The following CRB1 variants were observed in gnomAD, a reference collection of about 807,000 sequenced individuals.
The protein encoded by CRB1 is protein crumbs homolog 1.
Under a neutral mutation model 120.0 loss-of-function variants are expected in CRB1, and 83 were observed. The ratio of observed to expected loss-of-function variants is 0.69; its 90% CI spans 0.58 to 0.83. CRB1 has a LOEUF of 0.83. Among genes scored for constraint, CRB1 ranks in the 40% least tolerant of loss-of-function variants. The probability of loss-of-function intolerance (pLI) is 0.00; values close to 1 mark genes in which losing one functional copy is unlikely to be tolerated. For missense variants in CRB1, 1,699 were observed against 1,687.6 expected (o/e 1.01, Z -0.12); for synonymous variants, 625 against 612.5 (o/e 1.02, Z -0.30).
At chr1:197,324,474 GTGTAT>G (rs1227969161) in intron 1 of CRB1, among the ~76,000 whole-genome samples, 1 of 152,080 alleles carries the variant, frequency 6.6e-6, no homozygotes, top group East Asian at 1.9e-4. Flanking sequence ...GGAACTTTAT[GTGTAT>G]TATCTCTTTT....
At chr1:197,214,460 G>A in the CRB1 span, among the ~76,000 whole-genome samples, 788 of 152,184 alleles carry the variant, frequency 5.2e-3, 8 homozygotes, top group African/African-American at 0.018. Flanking sequence ...GGCCTACTCT[G>A]GGACTTGAGT....
chr1:197,391,475 A>G (rs1314757811), intron 5 of CRB1, among the ~76,000 whole-genome samples: 1 of 152,142 alleles, frequency 6.6e-6, no homozygotes, highest in Admixed American at 6.6e-5. Context: ...TTCTGCTGTG[A>G]AGTTGTCACT....
Position 197,427,920 on chromosome 1 carries a change from T to C in CRB1, c.2595T>C (p.Phe865=). Residue 865 remains phenylalanine, a synonymous_variant, in exon 7 of 12, where the codon TTT becomes TTC. Transcript: ENST00000367400. ...VRLNNQNLEF[F]PNPTNNASLN... is the part of the protein sequence containing the mutation. ...TAAACAACCAAAATCTGGAATTCTT[T>C]CCAAATCCAACAAACAATGCATCTC... 1.2e-6 allele frequency: 2 copies of C among 1,614,040 alleles called. No homozygotes were observed. The highest frequency in any genetic ancestry group is 1.7e-6 in the Non-Finnish European group (2 of 1,179,980).
At chr1:197,430,155 C>A (rs544496457) in intron 8 of CRB1, among the ~76,000 whole-genome samples, 1 of 152,278 alleles carries the variant, frequency 6.6e-6, no homozygotes, top group South Asian at 2.1e-4. Flanking sequence ...TCCTGTCCAT[C>A]TTCTGTACTA....
chr1:197,445,222 T>C (rs1194900394), intron 11 of CRB1, among the ~76,000 whole-genome samples: 1 of 152,208 alleles, frequency 6.6e-6, no homozygotes, highest in Non-Finnish European at 1.5e-5. Context: ...ATAGCCTATA[T>C]TTACTTGAAT....
the CRB1 span, among the ~76,000 whole-genome samples, chr1:197,221,621 T>A: frequency 6.6e-6 from 1 of 152,224 alleles, no homozygotes; most frequent in Non-Finnish European, 1.5e-5. Context: ...TCTCACTGAT[T>A]AGTAGTAGCT....
chr1:197,442,596 C>T, intron 11 of CRB1: 2 of 1,311,276 alleles, frequency 1.5e-6, no homozygotes, highest in East Asian at 2.6e-5. Context: ...AAATATTTTC[C>T]TATTCTAACT....
chr1:197,247,494 A>G, the CRB1 span, among the ~76,000 whole-genome samples: 24 of 152,048 alleles, frequency 1.6e-4, no homozygotes, highest in Admixed American at 3.9e-4. Flanking sequence ...GGCACTTAGC[A>G]GCTAGAAAAA....
intron 11 of CRB1, among the ~76,000 whole-genome samples, chr1:197,462,021 G>A (rs900963226): frequency 1.3e-5 from 2 of 152,106 alleles, no homozygotes; most frequent in African/African-American, 4.8e-5. Context: ...GGAACTCATC[G>A]CGGAGGACAT....
chr1:197,362,366 C>G (rs985930588), intron 5 of CRB1, among the ~76,000 whole-genome samples: 2 of 152,076 alleles, frequency 1.3e-5, no homozygotes, highest in Non-Finnish European at 2.9e-5. Flanking sequence ...CTATATATGT[C>G]AATTAAATCC....
At chr1:197,292,156 T>C (rs1021237070) in intron 1 of CRB1, among the ~76,000 whole-genome samples, 3 of 151,562 alleles carry the variant, frequency 2.0e-5, no homozygotes, top group African/African-American at 7.3e-5. Context: ...ATCAACAAAA[T>C]TGATAGACCG....
intron 3 of CRB1, among the ~76,000 whole-genome samples, chr1:197,346,435 G>A (rs965343432): frequency 1.3e-5 from 2 of 151,944 alleles, no homozygotes; most frequent in African/African-American, 4.8e-5. Context: ...ATTTTTAGTA[G>A]GTATTTTTTA....
chr1:197,422,233 C>T (rs1229390801), intron 6 of CRB1, among the ~76,000 whole-genome samples: 1 of 151,572 alleles, frequency 6.6e-6, no homozygotes, highest in African/African-American at 2.4e-5. Flanking sequence ...TTTGTGTTTG[C>T]AAAATGCTAC....
intron 5 of CRB1, 175 bp downstream of exon 5, chr1:197,357,188 T>G: frequency 1.4e-6 from 1 of 701,254 alleles, no homozygotes; most frequent in East Asian, 2.7e-5. Flanking sequence ...TCAGAATTCC[T>G]CAAATCACGA....
chr1:197,425,079 G>A, intron 6 of CRB1, among the ~76,000 whole-genome samples: 1 of 152,116 alleles, frequency 6.6e-6, no homozygotes, highest in South Asian at 2.1e-4. Flanking sequence ...AGGCATCCTG[G>A]GATGACCAGC....
chr1:197,387,349 T>C (rs1401962197), intron 5 of CRB1, among the ~76,000 whole-genome samples: 1 of 152,120 alleles, frequency 6.6e-6, no homozygotes, highest in African/African-American at 2.4e-5. Context: ...TCAGCAAATA[T>C]AGCTAATCAG....
chr1:197,422,924 T>C (rs1664408249), intron 6 of CRB1: 2 of 152,188 alleles, frequency 1.3e-5, no homozygotes, highest in African/African-American at 4.8e-5. Flanking sequence ...TGTCTAAGAA[T>C]TATTAGAAAC....
At chr1:197,412,926 G>A (rs2821121) in intron 5 of CRB1, among the ~76,000 whole-genome samples, 50,403 of 151,956 alleles carry the variant, frequency 0.33, 8,780 homozygotes, top group African/African-American at 0.43. Context: ...GTTACCTGGC[G>A]ATTATTTTTT....
the CRB1 span, among the ~76,000 whole-genome samples, chr1:197,220,078 T>C: frequency 7.2e-5 from 11 of 152,278 alleles, no homozygotes; most frequent in African/African-American, 2.6e-4. Flanking sequence ...GTACATTTCC[T>C]CCAGTAGACA....
Sources: allele counts gnomAD v4.1 joint callset (sites outside exome capture counted in the v4.1 genomes callset), GRCh38; gene constraint gnomAD v4.1.1; transcripts MANE v1.5; gene names NCBI Gene and HGNC (gene_info 2026-07-23, HGNC 2026-07-21).